The following CDK11A variants were observed in gnomAD, a reference collection of about 807,000 sequenced individuals.
CDK11A encodes cyclin dependent kinase 11A.
A neutral mutation model predicts 83.6 loss-of-function variants in CDK11A; 55 were observed. The ratio of observed to expected loss-of-function variants is 0.66; its 90% CI spans 0.53 to 0.82. The LOEUF is 0.82. CDK11A is among the 40% of genes least tolerant of loss of function. The pLI is 0.00. For missense variants in CDK11A, 564 were observed against 810.1 expected (o/e 0.70, Z 3.69); for synonymous variants, 247 against 302.7 (o/e 0.82, Z 1.91).
In CDK11A at chr1:1,716,306, G is replaced by A. The variant is rs72634830; in HGVS notation, c.488+40C>T. Reference sequence around the variant, plus strand: ...TTGCTGTGACAGGACACACTACCACGGCCCTTTCATAAAGTCCTCAACTGA... The same window carrying A: ...TTGCTGTGACAGGACACACTACCACAGCCCTTTCATAAAGTCCTCAACTGA... On this transcript the variant is annotated intron_variant, in intron 5 of 19. Coordinates refer to ENST00000404249, the MANE Select transcript of CDK11A (RefSeq NM_024011.4). 24 of 1,595,554 alleles carry A rather than the reference G, an allele frequency of 1.5e-5. 2 individuals are homozygous for A. The highest frequency in any genetic ancestry group is 2.2e-5 in the South Asian group (2 of 90,190).
Position 1,703,055 on chromosome 1 carries a change from ACGCCCCACCCG to A in CDK11A, c.2250+14_2250+24del. 1 of 402,792 alleles carries A rather than the reference ACGCCCCACCCG, an allele frequency of 2.5e-6. No homozygotes were observed. The highest frequency in any genetic ancestry group is 4.2e-6 in the Non-Finnish European group (1 of 235,780). 25.0% of individuals were successfully genotyped at this position (402,792 alleles called of 1,614,324 possible). A position where few individuals can be genotyped will look rare whatever the true frequency, so the allele number is the denominator to read the frequency against. On this transcript the variant is annotated intron_variant, in intron 19 of 19. Transcript: ENST00000404249. The stretch of plus-strand genomic sequence containing the variant: ...GCCCAAGCCAGCCCCACCTGTGGGC[ACGCCCCACCCG>A]CCAGGCCCCTCACCAGCTGGCTGTA...
intron 2 of CDK11A, 45 bp from the exon 3 acceptor site, chr1:1,721,756 T>G: frequency 6.8e-7 from 1 of 1,476,540 alleles, no homozygotes; most frequent in East Asian, 2.4e-5. Context: ...ATAAGTTTTT[T>G]TTTCTTCATA....
Position 1,723,101 on chromosome 1 carries a change from G to C in CDK11A, c.-13-270C>G, listed in dbSNP as rs1424070211. 1.0e-4 allele frequency among the ~76,000 whole-genome samples: 3 copies of C among 29,324 alleles called. 1 individual carries two copies. Among genetic ancestry groups the C allele is most frequent in the African/African-American group, 2.7e-4 (3 of 10,910 alleles). The allele number at this position is 29,324 out of a possible 152,430, so 19.2% of individuals were successfully genotyped here. A position where few individuals can be genotyped will look rare whatever the true frequency, so the allele number is the denominator to read the frequency against. The stretch of plus-strand genomic sequence containing the variant: ...ACAAAAGTTAGCCCAGTGTGGTGGC[G>C]CGTGCCTGTATTCCTAGCTACAGGA... On this transcript the variant is annotated intron_variant, in intron 1 of 19. Transcript: ENST00000404249.
At chr1:1,703,304 C>T (rs1282357723) in intron 18 of CDK11A, 35 bp from the exon 19 acceptor site, 1 of 549,252 alleles carries the variant, frequency 1.8e-6, no homozygotes, top group Non-Finnish European at 2.9e-6. Context: ...AGGAGGTGCT[C>T]GTGTGCTCCA....
chr1:1,721,807 C>T lies in CDK11A; in HGVS notation c.112-96G>A, dbSNP rs533141562. 16 of 1,406,350 alleles carry T rather than the reference C, an allele frequency of 1.1e-5. No homozygotes were observed. In the African/African-American group the frequency reaches 2.0e-4, roughly 18 times the overall value. 87.1% of individuals were successfully genotyped at this position (1,406,350 alleles called of 1,614,324 possible). On this transcript the variant is annotated intron_variant, in intron 2 of 19. Coordinates refer to ENST00000404249, the MANE Select transcript of CDK11A (RefSeq NM_024011.4). ...AATGATAATCAAACCTGGGCAACAT[C>T]CCAAAACAAACTTTCACATGTACTC...
intron 3 of CDK11A, among the ~76,000 whole-genome samples, chr1:1,721,222 T>A (rs796445959): frequency 6.7e-6 from 1 of 150,166 alleles, no homozygotes; most frequent in African/African-American, 2.4e-5. Context: ...TACACTTCAG[T>A]ATTTACAACA....
Position 1,719,638 on chromosome 1 carries a change from C to CTCGTTCTGTCACCCAGGCT in CDK11A, c.228-184_228-183insAGCCTGGGTGACAGAACGA, listed in dbSNP as rs70937183. Reference sequence around the variant, plus strand: ...ATCTTTTTTTTTTTTTTTTTTTAGACGGAGTCTCGCTCTGTCACCCAGGCT... The same window carrying CTCGTTCTGTCACCCAGGCT: ...ATCTTTTTTTTTTTTTTTTTTTAGACTCGTTCTGTCACCCAGGCTGGAGTCTCGCTCTGTCACCCAGGCT... On this transcript the variant is annotated intron_variant, in intron 3 of 19. Transcript: ENST00000404249. Among the ~76,000 whole-genome samples the CTCGTTCTGTCACCCAGGCT allele has an allele frequency of 2.2e-5, 3 of 137,302 alleles. 1 individual carries two copies. The highest frequency in any genetic ancestry group is 2.1e-4 in the East Asian group (1 of 4,776). The allele number at this position is 137,302 out of a possible 152,430, so 90.1% of individuals were successfully genotyped here.
rs1450017038 is a variant in CDK11A, at chr1:1,724,231, C to T, written c.-14+27G>A. On this transcript the variant is annotated intron_variant, in intron 1 of 19. Transcript: ENST00000404249. Reference sequence around the variant, plus strand: ...GTGCGCAGTTCTCGTCGCGCTCCCACACCTGGTCCGCCCAGTCGGAACTCA... The same window carrying T: ...GTGCGCAGTTCTCGTCGCGCTCCCATACCTGGTCCGCCCAGTCGGAACTCA... 5 of 151,570 alleles carry T rather than the reference C, an allele frequency of 3.3e-5. 1 individual carries two copies. Among genetic ancestry groups the T allele is most frequent in the African/African-American group, 1.2e-4 (5 of 41,282 alleles). The allele number at this position is 151,570 out of a possible 1,614,324, so 9.4% of individuals were successfully genotyped here.
At position 1,718,262 on chromosome 1, in the gene CDK11A, GCTCT is replaced by G. The variant is rs1381025499; in HGVS notation, c.355+1062_355+1065del. Among the ~76,000 whole-genome samples the G allele has an allele frequency of 6.2e-5, 9 of 145,494 alleles. 1 individual carries two copies. The highest frequency in any genetic ancestry group is 1.1e-4 in the Non-Finnish European group (7 of 66,148). ...ACACGCATGCTTTCAGGTGGAGTTT[GCTCT>G]CTCTGGTTTTCGGTCTGTGACACAC... is the stretch of plus-strand genomic sequence containing the variant. On this transcript the variant is annotated intron_variant, in intron 4 of 19. Coordinates refer to ENST00000404249, the MANE Select transcript of CDK11A (RefSeq NM_024011.4).
At chr1:1,706,084 T>C (rs79157438) in intron 11 of CDK11A, among the ~76,000 whole-genome samples, 3 of 150,998 alleles carry the variant, frequency 2.0e-5, no homozygotes, top group African/African-American at 7.3e-5. Context: ...TTTCTTTTTT[T>C]CTTTTTGAGA....
rs1644137697 is a variant in CDK11A, at chr1:1,702,893, G to A, written c.*14C>T. 2.3e-6 allele frequency: 1 copy of A among 441,332 alleles called. No homozygotes were observed. The highest frequency in any genetic ancestry group is 2.7e-5 in the African/African-American group (1 of 36,460). 27.3% of individuals were successfully genotyped at this position (441,332 alleles called of 1,614,324 possible). A position where few individuals can be genotyped will look rare whatever the true frequency, so the allele number is the denominator to read the frequency against. On this transcript the variant is annotated 3_prime_UTR_variant, in exon 20 of 20. Transcript: ENST00000404249. ...CCGGCTGAGTTCTCCCCATGACGGG[G>A]TCCACTCTGACCTTCAGAACTTGAG... is the stretch of plus-strand genomic sequence containing the variant.
intron 3 of CDK11A, among the ~76,000 whole-genome samples, chr1:1,720,090 A>AT (rs1182483946): frequency 6.7e-6 from 1 of 149,934 alleles, no homozygotes; most frequent in African/African-American, 2.5e-5. Context: ...ATTTAATTTT[A>AT]TTTATTTATT....
Position 1,703,149 on chromosome 1 carries a change from G to C in CDK11A, c.2181C>G (p.Ser727Arg), listed in dbSNP as rs1231551410. ...TGCCCCGCTTCACACGCTGCTGCTC[G>C]CTCTTGGCGGGCCACGTGGGGAACA... Reference protein sequence around the residue: ...PSMFPTWPAKSEQQRVKRGTS... With the variant: ...PSMFPTWPAKREQQRVKRGTS... Residue 727 changes from serine to arginine, a missense_variant, in exon 19 of 20, where the codon AGC becomes AGG. Transcript: ENST00000404249. The C allele has an allele frequency of 2.4e-6, 1 of 409,214 alleles. No homozygotes were observed. The highest frequency in any genetic ancestry group is 3.5e-5 in the East Asian group (1 of 28,722). The allele number at this position is 409,214 out of a possible 1,614,324, so 25.3% of individuals were successfully genotyped here. A position where few individuals can be genotyped will look rare whatever the true frequency, so the allele number is the denominator to read the frequency against.
intron 15 of CDK11A, 28 bp downstream of exon 15, chr1:1,704,195 G>A: frequency 6.2e-7 from 1 of 1,608,202 alleles, no homozygotes; most frequent in South Asian, 1.1e-5. Context: ...GGGTCACCCT[G>A]GGATGGGCCA....
At chr1:1,704,520 C>G (rs775942486) in intron 14 of CDK11A, 30 bp downstream of exon 14, 9 of 1,597,580 alleles carry the variant, frequency 5.6e-6, no homozygotes, top group Non-Finnish European at 6.8e-6. Flanking sequence ...CCCACTTGTA[C>G]GCAGACAGGA....
Position 1,708,210 on chromosome 1 carries a change from C to T in CDK11A, c.1039G>A (p.Glu347Lys), listed in dbSNP as rs780192737. The change falls in exon 10 of 20, where the codon GAA becomes AAA. Residue 347 changes from glutamate (E) to lysine (K), a missense_variant. Physicochemically the swap from Glu to Lys is moderately conservative, Grantham distance 56. This residue lies in a region of CDK11A where 21 missense variants were observed against 66.1 expected (regional missense o/e 0.32). Coordinates refer to ENST00000404249, the MANE Select transcript of CDK11A (RefSeq NM_024011.4). ...VSEEEMSEDE[E>K]RENENHLLVV... Reference sequence around the variant, plus strand: ...AAGAGGTGGTTTTCATTTTCTCGTTCTTCATCTTCACTCATTTCTTCCTCA... The same window carrying T: ...AAGAGGTGGTTTTCATTTTCTCGTTTTTCATCTTCACTCATTTCTTCCTCA... 4 of 1,558,360 alleles carry T rather than the reference C, an allele frequency of 2.6e-6. No individual in the cohort carries two copies. The highest frequency in any genetic ancestry group is 3.5e-5 in the Admixed American group (2 of 57,014).
Position 1,712,376 on chromosome 1 carries a change from CCTTT to C in CDK11A, c.509_512del (p.Glu170GlyfsTer46), listed in dbSNP as rs768985203. On this transcript the variant is annotated frameshift_variant, in exon 6 of 20. Coordinates refer to ENST00000404249, the MANE Select transcript of CDK11A (RefSeq NM_024011.4). LOFTEE classifies it high-confidence loss of function. ...GCATCTTGCGCTCCCGCTCCCGCTT[CCTTT>C]CTAACTGCTCCAAGCGGTCCCTGAA... 4.8e-5 allele frequency: 76 copies of C among 1,572,474 alleles called. No homozygotes were observed. The highest frequency in any genetic ancestry group is 1.7e-4 in the Middle Eastern group (1 of 6,010).
At chr1:1,718,032 C>G (rs573885907) in intron 4 of CDK11A, among the ~76,000 whole-genome samples, 4 of 48,240 alleles carry the variant, frequency 8.3e-5, no homozygotes, top group Non-Finnish European at 9.2e-5. Context: ...CACACGCATG[C>G]TTTTAGCTAG....
rs1223650707 is a variant in CDK11A, at chr1:1,704,099, G to C, written c.1734C>G (p.Ala578=). The part of the protein sequence containing the change: ...LAREYGSPLK[A]YTPVVVTQWY... ...ACTGGGTCACCACGACCGGGGTGTA[G>C]GCCTTCAGAGGGGATCCGTACTCCC... is the stretch of plus-strand genomic sequence containing the variant. Residue 578 remains alanine (A), a synonymous_variant, in exon 16 of 20, where the codon GCC becomes GCG. Transcript: ENST00000404249. The C allele has an allele frequency of 3.1e-6, 5 of 1,600,726 alleles. No individual in the cohort carries two copies. In the African/African-American group the frequency reaches 5.4e-5, roughly 17 times the overall value.
Sources: gnomAD v4.1 joint callset for allele counts (sites outside exome capture counted in the v4.1 genomes callset) on GRCh38, gnomAD v4.1.1 for gene constraint, gnomAD v4.1.1 regional missense constraint, MANE v1.5 for transcripts, NCBI Gene and HGNC (gene_info 2026-07-23, HGNC 2026-07-21) for gene names.